Variants in NEBL observed in about 807,000 individuals in gnomAD.
NEBL encodes nebulette.
In NEBL, 122 loss-of-function variants were observed where a neutral mutation model predicts 140.2. The ratio of observed to expected loss-of-function variants is 0.87; its 90% CI spans 0.75 to 1.01. The LOEUF (loss-of-function observed/expected upper bound fraction) is 1.01. NEBL is among the 50% of genes least tolerant of loss of function. The probability of loss-of-function intolerance (pLI) is 0.00; values close to 1 mark genes in which losing one functional copy is unlikely to be tolerated. For synonymous variants in NEBL, 436 were observed against 398.9 expected, an observed-to-expected ratio of 1.09 and a Z score of -1.11; for missense variants, 1,365 against 1,231.3, an observed-to-expected ratio of 1.11 and a Z score of -1.62.
At chr10:21,101,411 T>C (rs1386018003) in intron 2 of NEBL, among the ~76,000 whole-genome samples, 2 of 152,212 alleles carry the variant, frequency 1.3e-5, no homozygotes, top group East Asian at 1.9e-4. Flanking sequence ...TAGAAATTTC[T>C]GGTAGTAGTT....
At chr10:21,183,122 G>A (rs1841411664) in intron 3 of NEBL, among the ~76,000 whole-genome samples, 1 of 152,042 alleles carries the variant, frequency 6.6e-6, no homozygotes. Context: ...CCCCAAGCAG[G>A]GACACCACCA....
At chr10:21,177,628 C>T (rs1361339912), upstream of NEBL, among the ~76,000 whole-genome samples, 1 of 151,812 alleles carries the variant, frequency 6.6e-6, no homozygotes, top group Non-Finnish European at 1.5e-5. Context: ...CTCCCGGGTT[C>T]ACTCCATTCT....
intron 2 of NEBL, among the ~76,000 whole-genome samples, chr10:21,123,677 A>G (rs934779328): frequency 6.6e-6 from 1 of 151,784 alleles, no homozygotes; most frequent in African/African-American, 2.4e-5. Flanking sequence ...AACTTCATCC[A>G]GTCTATAGTT....
intron 2 of NEBL, among the ~76,000 whole-genome samples, chr10:21,161,292 A>G (rs577442789): frequency 5.3e-5 from 8 of 151,988 alleles, no homozygotes; most frequent in Non-Finnish European, 1.5e-5. Flanking sequence ...TCAGCCTCCC[A>G]CAGTGCTGGG....
chr10:20,814,174 A>C, intron 22 of NEBL, 131 bp from the exon 23 acceptor site: 1 of 712,030 alleles, frequency 1.4e-6, no homozygotes, highest in Non-Finnish European at 2.5e-6. Flanking sequence ...TCAGTGAATT[A>C]AATTTTGTTC....
chr10:21,143,336 C>T (rs868008976), intron 2 of NEBL, among the ~76,000 whole-genome samples: 4 of 149,354 alleles, frequency 2.7e-5, no homozygotes, highest in Middle Eastern at 3.4e-3. Flanking sequence ...GTAATCCCAG[C>T]TACTTGGGAG....
intron 3 of NEBL, among the ~76,000 whole-genome samples, chr10:21,206,178 T>C (rs576481459): frequency 3.3e-5 from 5 of 152,206 alleles, no homozygotes; most frequent in East Asian, 1.9e-4. Flanking sequence ...AGTAACGCAA[T>C]GCATCTTGCT....
intron 4 of NEBL, among the ~76,000 whole-genome samples, chr10:20,882,125 C>T (rs991583997): frequency 6.6e-6 from 1 of 151,368 alleles, no homozygotes; most frequent in Non-Finnish European, 1.5e-5. Context: ...CTGCAGTGAG[C>T]CACGGCATTC....
intron 3 of NEBL, among the ~76,000 whole-genome samples, chr10:20,976,180 C>T (rs1164128680): frequency 1.4e-5 from 2 of 143,646 alleles, no homozygotes; most frequent in Non-Finnish European, 3.1e-5. Context: ...ACTAAAAATA[C>T]AAAAAAAAAA....
chr10:20,920,990 T>TG (rs1833555301), intron 4 of NEBL, among the ~76,000 whole-genome samples: 1 of 152,228 alleles, frequency 6.6e-6, no homozygotes, highest in Non-Finnish European at 1.5e-5. Context: ...CAAAGAAATA[T>TG]GTGTTTACCA....
At chr10:21,032,591 C>T (rs138392507) in intron 2 of NEBL, among the ~76,000 whole-genome samples, 155 of 152,182 alleles carry the variant, frequency 1.0e-3, no homozygotes, top group African/African-American at 2.5e-3. Context: ...TTTTAAAAGA[C>T]GGTGAATTAG....
intron 2 of NEBL, among the ~76,000 whole-genome samples, chr10:21,056,718 A>G (rs971244276): frequency 6.6e-6 from 1 of 152,240 alleles, no homozygotes. Context: ...GGATTGCAAC[A>G]TTAAAGCTGT....
chr10:21,040,360 G>T (rs1231749716), intron 2 of NEBL, among the ~76,000 whole-genome samples: 1 of 152,094 alleles, frequency 6.6e-6, no homozygotes, highest in African/African-American at 2.4e-5. Context: ...AAGAAAGAGG[G>T]TTTATTTGGC....
intron 3 of NEBL, among the ~76,000 whole-genome samples, chr10:21,224,829 C>A (rs984971250): frequency 6.6e-6 from 1 of 152,160 alleles, no homozygotes; most frequent in Non-Finnish European, 1.5e-5. Context: ...TACAGAAATG[C>A]TACTGATTTT....
intron 3 of NEBL, among the ~76,000 whole-genome samples, chr10:21,220,283 C>T (rs1226110425): frequency 1.3e-5 from 2 of 152,152 alleles, no homozygotes; most frequent in Admixed American, 1.3e-4. Context: ...CAGCTTGCAT[C>T]TGGCATAAAA....
At chr10:20,881,168 G>A (rs770011138) in intron 4 of NEBL, among the ~76,000 whole-genome samples, 1 of 150,542 alleles carries the variant, frequency 6.6e-6, no homozygotes, top group African/African-American at 2.5e-5. Flanking sequence ...CTTAAACCTC[G>A]GGTGTAGTTT....
intron 2 of NEBL, among the ~76,000 whole-genome samples, chr10:21,248,732 C>A: frequency 6.6e-6 from 1 of 152,184 alleles, no homozygotes; most frequent in Admixed American, 6.5e-5. Flanking sequence ...AATTTTTTGA[C>A]AAACCACCAT....
chr10:21,148,122 G>A (rs1330812361), intron 2 of NEBL, among the ~76,000 whole-genome samples: 1 of 152,196 alleles, frequency 6.6e-6, no homozygotes, highest in Non-Finnish European at 1.5e-5. Context: ...GACAGTTGAG[G>A]CCTAAAGGAC....
chr10:21,173,904 G>T lies in NEBL; in HGVS notation c.-71C>A. 1 of 1,575,082 alleles carries T rather than the reference G, an allele frequency of 6.3e-7. No homozygotes were observed. The highest frequency in any genetic ancestry group is 1.8e-5 in the Admixed American group (1 of 56,716). ...AGGAGCCGCTGTGACATCCCCCGGC[G>T]AGCCCCGCACCGCCTCCTGGCAGGC... is the stretch of plus-strand genomic sequence containing the variant. On this transcript the variant is annotated 5_prime_UTR_variant, in exon 1 of 7. Transcript: ENST00000417816. This position sits in a 1 kb window ranked among gnomAD's most constrained non-coding sequence, Gnocchi z 5.7.
Sources: allele counts gnomAD v4.1 joint callset (sites outside exome capture counted in the v4.1 genomes callset), GRCh38; gene constraint gnomAD v4.1.1; non-coding constraint Gnocchi (gnomAD v3.1); transcripts MANE v1.5; gene names NCBI Gene and HGNC (gene_info 2026-07-23, HGNC 2026-07-21).